Variants in ACOX3 observed in about 807,000 individuals in gnomAD.
ACOX3 encodes peroxisomal acyl-coenzyme A oxidase 3.
ACOX3 carries 73 observed loss-of-function variants against 81.5 expected under a neutral mutation model. That is an observed-to-expected ratio of 0.90 (90% CI 0.74 to 1.09). ACOX3 has a LOEUF of 1.09. Ranked by LOEUF, ACOX3 falls within the 50% of genes least tolerant of loss-of-function variation. ACOX3 has a pLI of 0.00. For synonymous variants in ACOX3, 387 were observed against 375.1 expected, an observed-to-expected ratio of 1.03 and a Z score of -0.37; for missense variants, 947 against 928.0, an observed-to-expected ratio of 1.02 and a Z score of -0.27.
chr4:8,429,152 C>G (rs1167205732), intron 1 of ACOX3, among the ~76,000 whole-genome samples: 1 of 152,190 alleles, frequency 6.6e-6, no homozygotes, highest in Non-Finnish European at 1.5e-5. Context: ...CTAAGACACA[C>G]ACACTTCTTA....
rs1718085496 is a variant in ACOX3, at chr4:8,384,636, C to G, written c.1538-3029G>C. Among the ~76,000 whole-genome samples the G allele has an allele frequency of 1.3e-5, 2 of 152,202 alleles. No homozygotes were observed. Among genetic ancestry groups the G allele is most frequent in the Non-Finnish European group, 2.9e-5 (2 of 68,042 alleles). The stretch of plus-strand genomic sequence containing the variant: ...GCCCCTCGATCTGCCCCCTCCCCAG[C>G]TGGGGCTCTGTCCTTGACCCCATGG... On this transcript the variant is annotated intron_variant, in intron 13 of 17. Transcript: ENST00000356406. This position sits in a 1 kb window ranked among gnomAD's most constrained non-coding sequence, Gnocchi z 5.3.
intron 6 of ACOX3, among the ~76,000 whole-genome samples, chr4:8,408,147 C>T (rs1006302312): frequency 6.6e-6 from 1 of 151,940 alleles, no homozygotes; most frequent in Non-Finnish European, 1.5e-5. Context: ...TCTAACTTCA[C>T]TGAACTTTAA....
chr4:8,398,384 T>C (rs1489826052), intron 8 of ACOX3, among the ~76,000 whole-genome samples: 2 of 152,144 alleles, frequency 1.3e-5, no homozygotes, highest in African/African-American at 4.8e-5. Context: ...GCTTCCTTAC[T>C]TTTCCTCTTT....
chr4:8,375,030 A>C lies in ACOX3; in HGVS notation c.1776T>G (p.Ser592Arg). Residue 592 changes from serine to arginine, a missense_variant, in exon 15 of 18, where the codon AGT (serine) becomes AGG (arginine). By Grantham distance (110) the Ser-to-Arg change is moderately radical. Transcript: ENST00000356406. The part of the protein sequence containing the change: ...PSLRAVLGRL[S>R]ALYALWSLSR... The stretch of plus-strand genomic sequence containing the variant: ...TCAGGGACCACAGGGCGTACAGAGC[A>C]CTGAGCCGCCCCAGCACGGCCCGCA... The C allele has an allele frequency of 6.4e-7, 1 of 1,555,194 alleles. No homozygotes were observed.
intron 10 of ACOX3, chr4:8,393,080 G>A (rs1304318845): frequency 1.3e-5 from 2 of 151,542 alleles, no homozygotes; most frequent in East Asian, 3.9e-4. Flanking sequence ...GGCGTGGTTA[G>A]TATTTGGATG....
rs2108785643 is a variant in ACOX3 at position 8,370,845 on chromosome 4, C to A, written c.1983+63G>T. ...AGACCCCTGACCCACAGGAGCATCTCAGCTCCGCAGAAATGCCCATCAACC... is the reference window on the plus strand; with the variant it reads ...AGACCCCTGACCCACAGGAGCATCTAAGCTCCGCAGAAATGCCCATCAACC... On this transcript the variant is annotated intron_variant, in intron 17 of 17. Transcript: ENST00000356406. The surrounding 1 kb of genome is among the most constrained non-coding windows in gnomAD (Gnocchi z 6.3). The A allele has an allele frequency of 1.3e-5, 20 of 1,484,594 alleles. No homozygotes were observed. Among genetic ancestry groups the A allele is most frequent in the Non-Finnish European group, 1.6e-5 (17 of 1,067,914 alleles). The allele number at this position is 1,484,594 out of a possible 1,614,324, so 92.0% of individuals were successfully genotyped here.
In ACOX3 at chr4:8,382,923, C is replaced by T. The variant is rs1465298388; in HGVS notation, c.1538-1316G>A. 3.6e-5 allele frequency among the ~76,000 whole-genome samples: 5 copies of T among 137,638 alleles called. No homozygotes were observed. Among genetic ancestry groups the T allele is most frequent in the African/African-American group, 8.1e-5 (3 of 37,082 alleles). 90.3% of individuals were successfully genotyped at this position (137,638 alleles called of 152,430 possible). On this transcript the variant is annotated intron_variant, in intron 13 of 17. Coordinates refer to ENST00000356406, the MANE Select transcript of ACOX3 (RefSeq NM_003501.3). The surrounding 1 kb of genome is among the most constrained non-coding windows in gnomAD (Gnocchi z 4.1). Reference sequence around the variant, plus strand: ...AGGAGAATGGCGTGAACCCGGGAGGCGGAGTTGCAGTGAGCCGAGATCGCG... The same window carrying T: ...AGGAGAATGGCGTGAACCCGGGAGGTGGAGTTGCAGTGAGCCGAGATCGCG...
At chr4:8,359,584 A>C in the ACOX3 span, among the ~76,000 whole-genome samples, 292 of 152,286 alleles carry the variant, frequency 1.9e-3, 1 homozygote, top group Middle Eastern at 0.017. This position sits in a 1 kb window ranked among gnomAD's most constrained non-coding sequence, Gnocchi z 6.0. Context: ...GCTGTGAGTG[A>C]CAGAATTAGC....
At chr4:8,372,622 C>T (rs532186344) in intron 16 of ACOX3, among the ~76,000 whole-genome samples, 5 of 152,328 alleles carry the variant, frequency 3.3e-5, no homozygotes, top group East Asian at 3.9e-4. Context: ...CAATCAGACA[C>T]GCCCCTCTCT....
intron 5 of ACOX3, among the ~76,000 whole-genome samples, chr4:8,412,763 G>T (rs1325998653): frequency 6.6e-6 from 1 of 152,016 alleles, no homozygotes; most frequent in Non-Finnish European, 1.5e-5. Flanking sequence ...GGGAGGCAGG[G>T]CCAGGGAACA....
chr4:8,367,452 C>A (rs554673014), intron 17 of ACOX3, among the ~76,000 whole-genome samples: 1 of 152,248 alleles, frequency 6.6e-6, no homozygotes, highest in East Asian at 1.9e-4. Context: ...CACTGCACTC[C>A]AGCCTGGGCA....
At chr4:8,420,962 C>G (rs1458627310) in intron 1 of ACOX3, among the ~76,000 whole-genome samples, 1 of 152,132 alleles carries the variant, frequency 6.6e-6, no homozygotes, top group Non-Finnish European at 1.5e-5. Context: ...TTCCATGACC[C>G]ACGGCTTCTA....
chr4:8,438,447 T>C (rs1218955875), intron 1 of ACOX3, among the ~76,000 whole-genome samples: 1 of 152,170 alleles, frequency 6.6e-6, no homozygotes, highest in South Asian at 2.1e-4. Context: ...TTGCCTATGG[T>C]CCTCCTTCAA....
At chr4:8,392,241 T>C (rs913363149) in intron 11 of ACOX3, 92 bp downstream of exon 11, 1 of 1,341,336 alleles carries the variant, frequency 7.5e-7, no homozygotes, top group Non-Finnish European at 9.7e-7. Context: ...AGGCTGGATT[T>C]GGTCCTCAGG....
chr4:8,431,922 A>C lies in ACOX3; in HGVS notation c.-15+8726T>G, dbSNP rs889774613. On this transcript the variant is annotated intron_variant, in intron 1 of 17. Transcript: ENST00000356406. The surrounding 1 kb of genome is among the most constrained non-coding windows in gnomAD (Gnocchi z 5.3). ...TCCCACCCTCCGGTCATTTGTCTCC[A>C]TTTATCCCTTCTGTCTTTCCCACCA... is the stretch of plus-strand genomic sequence containing the variant. 2.6e-5 allele frequency among the ~76,000 whole-genome samples: 4 copies of C among 152,186 alleles called. No homozygotes were observed. Among genetic ancestry groups the C allele is most frequent in the Non-Finnish European group, 5.9e-5 (4 of 68,022 alleles).
At chr4:8,379,812 G>T (rs1310325234) in intron 14 of ACOX3, among the ~76,000 whole-genome samples, 4 of 152,200 alleles carry the variant, frequency 2.6e-5, no homozygotes, top group African/African-American at 9.7e-5. Flanking sequence ...CTGAGACAGG[G>T]TCTTGCTCTG....
chr4:8,420,707 C>G (rs2109003666), intron 1 of ACOX3, among the ~76,000 whole-genome samples: 1 of 152,300 alleles, frequency 6.6e-6, no homozygotes, highest in South Asian at 2.1e-4. Flanking sequence ...TCTTCTGGTC[C>G]ATGTTTGTTC....
chr4:8,358,496 A>G, the ACOX3 span, among the ~76,000 whole-genome samples: 2 of 152,136 alleles, frequency 1.3e-5, no homozygotes, highest in African/African-American at 2.4e-5. Flanking sequence ...TCCATCTTGA[A>G]TATGAGCTGG....
At chr4:8,383,838 G>A (rs1050733725) in intron 13 of ACOX3, among the ~76,000 whole-genome samples, 1 of 152,208 alleles carries the variant, frequency 6.6e-6, no homozygotes, top group African/African-American at 2.4e-5. Context: ...GCTCTCCCCA[G>A]CAGGGCAGAT....
Sources: allele counts gnomAD v4.1 joint callset (sites outside exome capture counted in the v4.1 genomes callset), GRCh38; gene constraint gnomAD v4.1.1; non-coding constraint Gnocchi (gnomAD v3.1); transcripts MANE v1.5; gene names NCBI Gene and HGNC (gene_info 2026-07-23, HGNC 2026-07-21).